TSPAN2: variants seen among roughly 807,000 people sequenced by gnomAD.
TSPAN2 encodes the protein tetraspanin-2.
TSPAN2 carries 24 observed loss-of-function variants against 33.3 expected under a neutral mutation model. That is an observed-to-expected ratio of 0.72 (90% CI 0.52 to 1.01). TSPAN2 has a LOEUF of 1.01. Ranked by LOEUF, TSPAN2 falls within the 50% of genes least tolerant of loss-of-function variation. The pLI is 0.00. For missense variants in TSPAN2, 278 were observed against 281.3 expected (o/e 0.99, Z 0.08); for synonymous variants, 114 against 104.5 (o/e 1.09, Z -0.56).
chr1:115,052,293 T>C (rs1675336229), intron 7 of TSPAN2, among the ~76,000 whole-genome samples: 1 of 152,168 alleles, frequency 6.6e-6, no homozygotes, highest in African/African-American at 2.4e-5. Flanking sequence ...TAACTGCAAA[T>C]TCACTGATTT....
intron 2 of TSPAN2, among the ~76,000 whole-genome samples, chr1:115,071,551 T>C (rs1017268326): frequency 6.6e-6 from 1 of 152,240 alleles, no homozygotes; most frequent in Admixed American, 6.5e-5. Context: ...ACTGTTGAGA[T>C]GATTTATTTT....
chr1:115,057,610 T>A lies in TSPAN2; in HGVS notation c.445-2A>T. On this transcript the variant is annotated splice_acceptor_variant, in intron 5 of 7. Coordinates refer to ENST00000369516, the MANE Select transcript of TSPAN2 (RefSeq NM_005725.6). LOFTEE classifies it high-confidence loss of function. ...GCTTTCTTTTCCACAGCACTGAAAC[T>A]AGAGAGTCAGAAAAGAGACTTCAGG... 1.2e-6 allele frequency: 2 copies of A among 1,613,950 alleles called. No individual in the cohort carries two copies. Among genetic ancestry groups the A allele is most frequent in the Non-Finnish European group, 8.5e-7 (1 of 1,179,928 alleles).
At chr1:115,067,964 C>T (rs976362895) in intron 2 of TSPAN2, among the ~76,000 whole-genome samples, 7 of 152,148 alleles carry the variant, frequency 4.6e-5, no homozygotes, top group African/African-American at 7.2e-5. Flanking sequence ...TTGGAAGACA[C>T]GGGGGCTTCT....
At chr1:115,081,510 C>T (rs1242631717) in intron 1 of TSPAN2, among the ~76,000 whole-genome samples, 2 of 152,176 alleles carry the variant, frequency 1.3e-5, no homozygotes, top group Non-Finnish European at 2.9e-5. Flanking sequence ...TAAACACATG[C>T]GTGCATACGG....
Position 115,057,525 on chromosome 1 carries a change from G to C in TSPAN2, c.516+12C>G. 1 of 1,613,524 alleles carries C rather than the reference G, an allele frequency of 6.2e-7. No homozygotes were observed. Among genetic ancestry groups the C allele is most frequent in the East Asian group, 2.2e-5 (1 of 44,862 alleles). On this transcript the variant is annotated intron_variant, in intron 6 of 7. Transcript: ENST00000369516. Reference sequence around the variant, plus strand: ...TACTACAGGTAGAGTAAGAACCTTGGTAGAAGCTTACCTTGTGTCCTAGAA... The same window carrying C: ...TACTACAGGTAGAGTAAGAACCTTGCTAGAAGCTTACCTTGTGTCCTAGAA...
chr1:115,085,353 G>A (rs1378731561), intron 1 of TSPAN2, among the ~76,000 whole-genome samples: 1 of 152,160 alleles, frequency 6.6e-6, no homozygotes, highest in African/African-American at 2.4e-5. Context: ...GCTCTGGCAG[G>A]GCCTGGTTGT....
intron 3 of TSPAN2, 64 bp downstream of exon 3, chr1:115,062,071 C>A: frequency 7.2e-6 from 10 of 1,379,598 alleles, no homozygotes; most frequent in Non-Finnish European, 1.0e-5. Flanking sequence ...GAGGCACTGA[C>A]TCCCTTCAGA....
At chr1:115,075,153 C>A (rs1648352902) in intron 1 of TSPAN2, among the ~76,000 whole-genome samples, 1 of 152,148 alleles carries the variant, frequency 6.6e-6, no homozygotes, top group African/African-American at 2.4e-5. Context: ...TCCTCCCAGA[C>A]AGAATACATT....
At chr1:115,053,902 C>T (rs1647284400) in intron 6 of TSPAN2, among the ~76,000 whole-genome samples, 1 of 152,158 alleles carries the variant, frequency 6.6e-6, no homozygotes, top group African/African-American at 2.4e-5. Context: ...GTAGGCATGA[C>T]CTATTAAGAA....
intron 1 of TSPAN2, among the ~76,000 whole-genome samples, chr1:115,086,089 G>A (rs2101051189): frequency 6.6e-6 from 1 of 152,190 alleles, no homozygotes; most frequent in South Asian, 2.1e-4. Context: ...AAAGGAATCA[G>A]GAGAAAGAGA....
intron 1 of TSPAN2, among the ~76,000 whole-genome samples, chr1:115,087,976 T>C (rs992564607): frequency 6.6e-6 from 1 of 152,220 alleles, no homozygotes; most frequent in African/African-American, 2.4e-5. Flanking sequence ...ATGAAGGTTG[T>C]CACTGTGGCG....
intron 4 of TSPAN2, 76 bp downstream of exon 4, chr1:115,060,388 C>A (rs1647666203): frequency 8.2e-7 from 1 of 1,218,764 alleles, no homozygotes; most frequent in East Asian, 2.3e-5. Flanking sequence ...TATTTGGTTT[C>A]TTAACACTAT....
At chr1:115,085,339 G>T (rs112656582) in intron 1 of TSPAN2, among the ~76,000 whole-genome samples, 9 of 152,332 alleles carry the variant, frequency 5.9e-5, no homozygotes, top group African/African-American at 1.9e-4. Flanking sequence ...GGAATACTGT[G>T]CTGGCTCTGG....
At chr1:115,073,133 A>G (rs1648251599) in intron 1 of TSPAN2, 126 bp from the exon 2 acceptor site, 1 of 753,944 alleles carries the variant, frequency 1.3e-6, no homozygotes. Context: ...CCACCTTCCC[A>G]TTTTATAGGG....
intron 1 of TSPAN2, among the ~76,000 whole-genome samples, chr1:115,074,366 C>G (rs978573949): frequency 1.3e-5 from 2 of 152,132 alleles, no homozygotes; most frequent in African/African-American, 4.8e-5. Context: ...AGGCCAATCC[C>G]CTTTGTGGCC....
intron 6 of TSPAN2, among the ~76,000 whole-genome samples, chr1:115,054,334 C>T (rs137909065): frequency 1.3e-5 from 2 of 152,260 alleles, no homozygotes; most frequent in African/African-American, 2.4e-5. Flanking sequence ...ATTCATTCAA[C>T]AAACATTTCT....
chr1:115,071,918 C>G (rs1648191490), intron 2 of TSPAN2, among the ~76,000 whole-genome samples: 1 of 152,162 alleles, frequency 6.6e-6, no homozygotes. Flanking sequence ...GGAAGAGACT[C>G]TACTCTTCTT....
At chr1:115,064,610 C>A (rs903264143) in intron 2 of TSPAN2, among the ~76,000 whole-genome samples, 5 of 152,230 alleles carry the variant, frequency 3.3e-5, no homozygotes, top group African/African-American at 7.2e-5. Context: ...ACATGCCCTG[C>A]ACAAGGCAGA....
chr1:115,085,065 C>T (rs188678752), intron 1 of TSPAN2, among the ~76,000 whole-genome samples: 1 of 152,142 alleles, frequency 6.6e-6, no homozygotes, highest in African/African-American at 2.4e-5. Flanking sequence ...TCCTTTAAGC[C>T]AACATATGCG....
Sources: allele counts gnomAD v4.1 joint callset (sites outside exome capture counted in the v4.1 genomes callset), GRCh38; gene constraint gnomAD v4.1.1; transcripts MANE v1.5; gene names NCBI Gene and HGNC (gene_info 2026-07-23, HGNC 2026-07-21).